The following USP37 variants were observed in gnomAD, a reference collection of about 807,000 sequenced individuals.
USP37 encodes ubiquitin specific peptidase 37.
Under a neutral mutation model 124.0 loss-of-function variants are expected in USP37, and 27 were observed. That is an observed-to-expected ratio of 0.22 (90% confidence interval 0.16 to 0.30). The LOEUF is 0.30. Ranked by LOEUF, USP37 falls within the 10% of genes least tolerant of loss-of-function variation. The pLI, the probability that USP37 is intolerant of heterozygous loss-of-function variation, is 1.00. For missense variants in USP37, 889 were observed against 1,140.4 expected, an observed-to-expected ratio of 0.78 and a Z score of 3.17; for synonymous variants, 365 against 388.0, an observed-to-expected ratio of 0.94 and a Z score of 0.70.
chr2:218,565,802 A>C (rs1693567961), intron 1 of USP37, among the ~76,000 whole-genome samples: 1 of 152,208 alleles, frequency 6.6e-6, no homozygotes, highest in Non-Finnish European at 1.5e-5. Flanking sequence ...TAATCCCAGC[A>C]CTTTGGGAGG....
chr2:218,514,248 C>T (rs1690156250), intron 10 of USP37: 1 of 152,182 alleles, frequency 6.6e-6, no homozygotes, highest in Non-Finnish European at 1.5e-5. Context: ...ATACTATTAA[C>T]TAGTAACCTA....
chr2:218,479,111 G>C (rs375707937), intron 18 of USP37, among the ~76,000 whole-genome samples: 9 of 152,208 alleles, frequency 5.9e-5, no homozygotes, highest in African/African-American at 1.9e-4. Context: ...AACAAAAAAG[G>C]CATGTGCTTC....
At position 218,547,051 on chromosome 2, in the gene USP37, A is replaced by G. The variant is rs925648481; in HGVS notation, c.470T>C (p.Ile157Thr). 5 of 1,609,412 alleles carry G rather than the reference A, an allele frequency of 3.1e-6. No individual in the cohort carries two copies. The Admixed American group carries it at 5.1e-5, about 17-fold the overall frequency. Reference sequence around the variant, plus strand: ...ATTACCAAGAACTTTTCGAAATGGAATATCATCTTTAGTTTCCAAACTTCC... The same window carrying G: ...ATTACCAAGAACTTTTCGAAATGGAGTATCATCTTTAGTTTCCAAACTTCC... Reference protein sequence around the residue: ...KRGSLETKDDIPFRKVLGNPG... With the variant: ...KRGSLETKDDTPFRKVLGNPG... Residue 157 changes from isoleucine (I) to threonine (T), a missense_variant, in exon 7 of 26, where the codon ATT becomes ACT. Around this residue, in one of 3 missense-constraint regions of USP37, gnomAD observed 374 missense variants for 386.0 expected, o/e 0.97. Transcript: ENST00000258399.
At chr2:218,544,773 GACCCA>G (rs1692230572) in intron 8 of USP37, among the ~76,000 whole-genome samples, 2 of 152,112 alleles carry the variant, frequency 1.3e-5, no homozygotes, top group East Asian at 3.9e-4. Context: ...CACTGCTATA[GACCCA>G]AGACCCCTCC....
intron 4 of USP37, among the ~76,000 whole-genome samples, chr2:218,556,279 CTTCCAGTTTGGCCAGAAAAT>C (rs1692969144): frequency 1.3e-5 from 2 of 152,014 alleles, no homozygotes; most frequent in Non-Finnish European, 2.9e-5. Context: ...ACAGAAATCA[CTTCCAGTTTGGCCAGAAAAT>C]ATACAGAAAT....
At chr2:218,461,661 T>C (rs751519234) in intron 22 of USP37, among the ~76,000 whole-genome samples, 1 of 152,006 alleles carries the variant, frequency 6.6e-6, no homozygotes, top group East Asian at 1.9e-4. Context: ...ATGGAAAAGT[T>C]GAAAACTAAT....
At chr2:218,534,867 TAAAC>T (rs1342073051) in intron 8 of USP37, among the ~76,000 whole-genome samples, 161 bp from the exon 9 acceptor site, 15 of 152,208 alleles carry the variant, frequency 9.9e-5, no homozygotes, top group Non-Finnish European at 1.9e-4. Context: ...GTCAATGACT[TAAAC>T]AAATGAAAAT....
At chr2:218,554,385 T>C (rs775925951) in intron 4 of USP37, among the ~76,000 whole-genome samples, 11 of 152,186 alleles carry the variant, frequency 7.2e-5, no homozygotes, top group Non-Finnish European at 1.6e-4. Context: ...TTATAGAGGA[T>C]AAAAACTACT....
At chr2:218,496,648 T>C (rs1001907688) in intron 13 of USP37, among the ~76,000 whole-genome samples, 1 of 152,092 alleles carries the variant, frequency 6.6e-6, no homozygotes. Context: ...AGGTTTTTCT[T>C]TCTTTCTTTC....
At position 218,474,845 on chromosome 2, in the gene USP37, A is replaced by C; in HGVS notation, c.2084T>G (p.Leu695Trp). 1 of 1,614,064 alleles carries C rather than the reference A, an allele frequency of 6.2e-7. No homozygotes were observed. The highest frequency in any genetic ancestry group is 8.5e-7 in the Non-Finnish European group (1 of 1,180,026). ...LCPIEPDKSE[L>W]ENSGFDRMSE... ...CATTCTGTCAAATCCTGAGTTTTCC[A>C]ATTCAGACTTGTCAGGCTCTATTGG... Residue 695 changes from leucine (L) to tryptophan (W), a missense_variant, in exon 20 of 26, where the codon TTG becomes TGG. This residue lies in a region of USP37 where 504 missense variants were observed against 714.3 expected (regional missense o/e 0.71). Coordinates refer to ENST00000258399, the MANE Select transcript of USP37 (RefSeq NM_020935.3).
chr2:218,558,021 C>T (rs1221559901), intron 4 of USP37, among the ~76,000 whole-genome samples: 1 of 147,600 alleles, frequency 6.8e-6, no homozygotes, highest in Non-Finnish European at 1.5e-5. Context: ...AAGAAAATAG[C>T]TATAAAGATA....
intron 17 of USP37, among the ~76,000 whole-genome samples, chr2:218,480,522 G>A (rs1691215422): frequency 6.6e-6 from 1 of 151,640 alleles, no homozygotes; most frequent in Non-Finnish European, 1.5e-5. Context: ...GAAGTCAAGT[G>A]TAATACATAT....
At chr2:218,477,630 T>C (rs1367531539) in intron 18 of USP37, among the ~76,000 whole-genome samples, 1 of 152,176 alleles carries the variant, frequency 6.6e-6, no homozygotes. Context: ...AACTATAAAG[T>C]CATTTAATGT....
rs142583771 is a variant in USP37, at chr2:218,538,640, A to G, written c.681-3934T>C. Among the ~76,000 whole-genome samples, 471 of 152,326 alleles carry G rather than the reference A, an allele frequency of 3.1e-3. 12 individuals are homozygous for G. The highest frequency in any genetic ancestry group is 0.024 in the Admixed American group (373 of 15,294). On this transcript the variant is annotated intron_variant, in intron 8 of 25. Transcript: ENST00000258399. ...GGTTCCCCTTCACCAAGGTTTATCT[A>G]CTGTGGCTGCTGAATGTCCAGTTGG...
At chr2:218,495,694 T>C (rs1196363497) in intron 14 of USP37, 66 bp downstream of exon 14, 19 of 1,494,106 alleles carry the variant, frequency 1.3e-5, no homozygotes, top group East Asian at 2.3e-5. Flanking sequence ...TGGTATGTCA[T>C]AGAAGAATTT....
At chr2:218,466,457 A>T (rs1690329156) in intron 20 of USP37, among the ~76,000 whole-genome samples, 1 of 152,130 alleles carries the variant, frequency 6.6e-6, no homozygotes, top group East Asian at 1.9e-4. Context: ...ACTAGATATT[A>T]GTAGCATCCA....
At position 218,454,736 on chromosome 2, in the gene USP37, ATGTGAGACCAAAG is replaced by A. The variant is rs1440482025; in HGVS notation, c.*181_*193del. 1 of 1,133,620 alleles carries A rather than the reference ATGTGAGACCAAAG, an allele frequency of 8.8e-7. No individual in the cohort carries two copies. Among genetic ancestry groups the A allele is most frequent in the Non-Finnish European group, 1.2e-6 (1 of 837,088 alleles). The allele number at this position is 1,133,620 out of a possible 1,614,324, so 70.2% of individuals were successfully genotyped here. A position where few individuals can be genotyped will look rare whatever the true frequency, so the allele number is the denominator to read the frequency against. ...AGAAAAAGAGGATAATCAGCTACGGATGTGAGACCAAAGTTTCCATAAAATAGCATGGAGCATT... is the reference window on the plus strand; with the variant it reads ...AGAAAAAGAGGATAATCAGCTACGGATTTCCATAAAATAGCATGGAGCATT... On this transcript the variant is annotated 3_prime_UTR_variant, in exon 26 of 26. Transcript: ENST00000258399.
intron 20 of USP37, among the ~76,000 whole-genome samples, chr2:218,472,783 T>C (rs1370557270): frequency 6.6e-6 from 1 of 152,178 alleles, no homozygotes; most frequent in African/African-American, 2.4e-5. Flanking sequence ...AATCTCTTAA[T>C]TAAAAGCACA....
intron 17 of USP37, among the ~76,000 whole-genome samples, chr2:218,480,897 G>A (rs1238799791): frequency 6.6e-6 from 1 of 152,192 alleles, no homozygotes; most frequent in African/African-American, 2.4e-5. Flanking sequence ...GACTCTCTGG[G>A]CACATGCCTT....
Sources: gnomAD v4.1 joint callset for allele counts (sites outside exome capture counted in the v4.1 genomes callset) on GRCh38, gnomAD v4.1.1 for gene constraint, gnomAD v4.1.1 regional missense constraint, MANE v1.5 for transcripts, NCBI Gene and HGNC (gene_info 2026-07-23, HGNC 2026-07-21) for gene names.